Variants in DLGAP1 observed in about 807,000 individuals in gnomAD.
DLGAP1 encodes disks large-associated protein 1.
DLGAP1 carries 11 observed loss-of-function variants against 90.8 expected under a neutral mutation model. The ratio of observed to expected loss-of-function variants is 0.12; its 90% CI spans 0.08 to 0.20. DLGAP1 has a LOEUF of 0.20. DLGAP1 is among the 10% of genes least tolerant of loss of function. The probability of loss-of-function intolerance (pLI) is 1.00; values close to 1 mark genes in which losing one functional copy is unlikely to be tolerated. For missense variants in DLGAP1, 1,050 were observed against 1,333.8 expected, an observed-to-expected ratio of 0.79 and a Z score of 3.31; for synonymous variants, 558 against 540.7, an observed-to-expected ratio of 1.03 and a Z score of -0.44.
chr18:4,361,594 A>G (rs1318629525), intron 1 of DLGAP1, among the ~76,000 whole-genome samples: 1 of 152,254 alleles, frequency 6.6e-6, no homozygotes, highest in Non-Finnish European at 1.5e-5. Context: ...GCTACATATA[A>G]AAATTAATTC....
chr18:4,059,074 G>A (rs12457272), intron 2 of DLGAP1, among the ~76,000 whole-genome samples: 21,317 of 152,152 alleles, frequency 0.14, 1,804 homozygotes, highest in East Asian at 0.33. Context: ...GGTAAGGGCA[G>A]TGGTAAGACC....
At chr18:4,362,567 G>T (rs1046846447) in intron 1 of DLGAP1, among the ~76,000 whole-genome samples, 1 of 152,154 alleles carries the variant, frequency 6.6e-6, no homozygotes, top group South Asian at 2.1e-4. Context: ...GAGTCCAGGG[G>T]CTGGGAAGAT....
At chr18:3,557,285 G>A (rs1252801506) in intron 9 of DLGAP1, among the ~76,000 whole-genome samples, 1 of 152,176 alleles carries the variant, frequency 6.6e-6, no homozygotes, top group East Asian at 1.9e-4. Flanking sequence ...ACTTTGGGAG[G>A]CTGAGGTTGG....
chr18:3,602,750 C>A (rs1395879796), intron 7 of DLGAP1, among the ~76,000 whole-genome samples: 1 of 152,072 alleles, frequency 6.6e-6, no homozygotes, highest in African/African-American at 2.4e-5. Flanking sequence ...TCAAAAGGAA[C>A]CATAGAAGAT....
chr18:4,320,045 A>G (rs897773149), intron 1 of DLGAP1, among the ~76,000 whole-genome samples: 3 of 152,124 alleles, frequency 2.0e-5, no homozygotes, highest in African/African-American at 7.2e-5. Context: ...TAATAATCCA[A>G]TGTTAATTAA....
At chr18:4,307,158 G>A (rs959659800) in intron 1 of DLGAP1, among the ~76,000 whole-genome samples, 9 of 152,184 alleles carry the variant, frequency 5.9e-5, no homozygotes, top group Admixed American at 5.9e-4. Context: ...ATAGGAGAGG[G>A]CACTGTGTGT....
At chr18:3,892,363 C>T (rs1599118605) in intron 3 of DLGAP1, among the ~76,000 whole-genome samples, 1 of 152,152 alleles carries the variant, frequency 6.6e-6, no homozygotes, top group Admixed American at 6.5e-5. Context: ...CCCCATACCC[C>T]ACACAGCTCA....
At chr18:3,688,643 AC>A (rs1168887519) in intron 7 of DLGAP1, among the ~76,000 whole-genome samples, 10 of 150,254 alleles carry the variant, frequency 6.7e-5, no homozygotes, top group East Asian at 1.9e-4. Flanking sequence ...ACACACACAC[AC>A]ACACACACAC....
intron 3 of DLGAP1, among the ~76,000 whole-genome samples, chr18:3,914,362 T>C (rs1161090318): frequency 1.4e-5 from 2 of 147,938 alleles, no homozygotes; most frequent in South Asian, 2.2e-4. Context: ...GATGCATCCA[T>C]GTTGTTGCAA....
At chr18:4,299,810 A>T (rs1281311129) in intron 1 of DLGAP1, among the ~76,000 whole-genome samples, 6 of 152,144 alleles carry the variant, frequency 3.9e-5, no homozygotes, top group African/African-American at 1.4e-4. Flanking sequence ...GCAATTCATC[A>T]TCTACAGTAT....
chr18:3,554,070 C>G (rs1489597177), intron 9 of DLGAP1, among the ~76,000 whole-genome samples: 2 of 152,136 alleles, frequency 1.3e-5, no homozygotes, highest in East Asian at 3.9e-4. Context: ...ATGGGAGATT[C>G]CTGGGAACCT....
intron 8 of DLGAP1, among the ~76,000 whole-genome samples, chr18:3,576,566 C>CT (rs558651034): frequency 0.067 from 9,104 of 135,864 alleles, 446 homozygotes; most frequent in African/African-American, 0.12. Context: ...GCTCCAGCTC[C>CT]TTTTTTTTTT....
chr18:3,840,564 C>G (rs2068656671), intron 4 of DLGAP1, among the ~76,000 whole-genome samples: 1 of 152,186 alleles, frequency 6.6e-6, no homozygotes, highest in Admixed American at 6.5e-5. Context: ...ACCTTAAGAT[C>G]CTTAATGTAA....
At chr18:4,186,213 C>G (rs539333001) in intron 1 of DLGAP1, among the ~76,000 whole-genome samples, 4 of 152,170 alleles carry the variant, frequency 2.6e-5, no homozygotes, top group Non-Finnish European at 5.9e-5. Flanking sequence ...AATATTTTCT[C>G]CCATTCTGTA....
chr18:3,523,624 GA>G (rs1461433828), intron 10 of DLGAP1, among the ~76,000 whole-genome samples: 3 of 151,134 alleles, frequency 2.0e-5, no homozygotes, highest in Admixed American at 6.6e-5. Flanking sequence ...AAGGAGGGCG[GA>G]TCACGAGGTC....
At chr18:4,449,778 C>T (rs755016592) in intron 1 of DLGAP1, among the ~76,000 whole-genome samples, 1 of 152,056 alleles carries the variant, frequency 6.6e-6, no homozygotes, top group African/African-American at 2.4e-5. Flanking sequence ...GGAGACCTTC[C>T]CTGATTAAAT....
At chr18:3,749,959 T>C (rs1259535579) in intron 5 of DLGAP1, among the ~76,000 whole-genome samples, 1 of 152,228 alleles carries the variant, frequency 6.6e-6, no homozygotes, top group Non-Finnish European at 1.5e-5. Context: ...GTTTCTTCTC[T>C]CTCTTTCCTT....
intron 2 of DLGAP1, among the ~76,000 whole-genome samples, chr18:4,067,711 T>G (rs1041928627): frequency 1.4e-4 from 22 of 152,158 alleles, no homozygotes; most frequent in Non-Finnish European, 2.8e-4. Context: ...TTCTATTGAT[T>G]CCAGGTCTTT....
Position 4,257,870 on chromosome 18 carries a change from C to T in DLGAP1, c.-266-106583G>A, listed in dbSNP as rs200777515. 5.3e-5 allele frequency among the ~76,000 whole-genome samples: 8 copies of T among 152,146 alleles called. No homozygotes were observed. In the East Asian group the frequency reaches 1.6e-3, roughly 30 times the overall value. ...AAACTCCTGACCTCAAGTGATCCAT[C>T]TGCCTCGGCTTCCCAAAGTGCTGGG... is the stretch of plus-strand genomic sequence containing the variant. On this transcript the variant is annotated intron_variant, in intron 1 of 12. Coordinates refer to ENST00000315677, the MANE Select transcript of DLGAP1 (RefSeq NM_004746.4).
Sources: allele counts gnomAD v4.1 joint callset (sites outside exome capture counted in the v4.1 genomes callset), GRCh38; gene constraint gnomAD v4.1.1; transcripts MANE v1.5; gene names NCBI Gene and HGNC (gene_info 2026-07-23, HGNC 2026-07-21).